CYB5R4: variants seen among roughly 807,000 people sequenced by gnomAD.
CYB5R4 encodes the protein N-terminal cytochrome b5 and cytochrome b5 oxidoreductase domain-containing protein.
CYB5R4 carries 55 observed loss-of-function variants against 70.2 expected under a neutral mutation model. The ratio of observed to expected loss-of-function variants is 0.78; its 90% CI spans 0.63 to 0.98. The LOEUF is 0.98. Among genes scored for constraint, CYB5R4 ranks in the 50% least tolerant of loss-of-function variants. The probability of loss-of-function intolerance (pLI) is 0.00; values close to 1 mark genes in which losing one functional copy is unlikely to be tolerated. For synonymous variants in CYB5R4, 197 were observed against 199.5 expected (o/e 0.99, Z 0.11); for missense variants, 562 against 612.6 (o/e 0.92, Z 0.87).
intron 14 of CYB5R4, among the ~76,000 whole-genome samples, chr6:83,946,854 A>C (rs1230217002): frequency 6.6e-6 from 1 of 152,182 alleles, no homozygotes; most frequent in Non-Finnish European, 1.5e-5. Context: ...TCCAACTTAC[A>C]AGAGATGTGA....
intron 7 of CYB5R4, among the ~76,000 whole-genome samples, 192 bp from the exon 8 acceptor site, chr6:83,920,890 T>A (rs1476669050): frequency 6.6e-6 from 1 of 152,110 alleles, no homozygotes; most frequent in East Asian, 1.9e-4. Context: ...TATGTAGTAA[T>A]TAAAATTTGG....
At position 83,922,487 on chromosome 6, in the gene CYB5R4, C is replaced by T. The variant is rs2099466536; in HGVS notation, c.691+17C>T. ...ATTTTTCTGGTAAGCTACCAAAAAC[C>T]AAAAATTATGTATGTACGTACATAT... On this transcript the variant is annotated intron_variant, in intron 9 of 15. Coordinates refer to ENST00000369681, the MANE Select transcript of CYB5R4 (RefSeq NM_016230.4). 2 of 1,605,142 alleles carry T rather than the reference C, an allele frequency of 1.2e-6. No homozygotes were observed. The highest frequency in any genetic ancestry group is 1.7e-5 in the Admixed American group (1 of 59,792).
intron 2 of CYB5R4, among the ~76,000 whole-genome samples, chr6:83,875,822 T>C (rs1247169690): frequency 6.6e-6 from 1 of 152,220 alleles, no homozygotes; most frequent in Non-Finnish European, 1.5e-5. Flanking sequence ...GCCTTTGTTC[T>C]CCAGATATCA....
In CYB5R4 at chr6:83,919,414, CAG is replaced by C; in HGVS notation, c.526_527del (p.Asp176LeufsTer10). On this transcript the variant is annotated frameshift_variant, in exon 7 of 16. Coordinates refer to ENST00000369681, the MANE Select transcript of CYB5R4 (RefSeq NM_016230.4). LOFTEE classifies it high-confidence loss of function. ...TTTTACAGCTATGATTGGTTCCAAA[CAG>C]ACTCTTTAGTCACCATTGCCATATA... 6.6e-7 allele frequency: 1 copy of C among 1,520,806 alleles called. No homozygotes were observed. Among genetic ancestry groups the C allele is most frequent in the Middle Eastern group, 1.7e-4 (1 of 5,868 alleles). 94.2% of individuals were successfully genotyped at this position (1,520,806 alleles called of 1,614,324 possible).
intron 9 of CYB5R4, among the ~76,000 whole-genome samples, chr6:83,923,335 G>A (rs1355510194): frequency 6.6e-6 from 1 of 151,978 alleles, no homozygotes; most frequent in African/African-American, 2.4e-5. Context: ...CCTCTTTTCC[G>A]TATATCATTA....
intron 1 of CYB5R4, among the ~76,000 whole-genome samples, chr6:83,860,565 C>A (rs1482175552): frequency 6.6e-6 from 1 of 152,114 alleles, no homozygotes; most frequent in Non-Finnish European, 1.5e-5. Flanking sequence ...AAATTGTGTT[C>A]TTTGTTCTTT....
chr6:83,937,645 A>G (rs1309285715), intron 12 of CYB5R4, among the ~76,000 whole-genome samples: 2 of 151,972 alleles, frequency 1.3e-5, no homozygotes, highest in African/African-American at 4.8e-5. Flanking sequence ...TCAGCCTCCC[A>G]AGTAGCTGGG....
intron 14 of CYB5R4, among the ~76,000 whole-genome samples, chr6:83,952,127 A>G (rs924721984): frequency 1.9e-4 from 29 of 152,158 alleles, no homozygotes; most frequent in Non-Finnish European, 3.1e-4. Flanking sequence ...GAGAGGGGAA[A>G]TAAAGGGATT....
intron 10 of CYB5R4, among the ~76,000 whole-genome samples, chr6:83,933,871 A>G (rs2099468524): frequency 6.6e-6 from 1 of 152,222 alleles, no homozygotes; most frequent in African/African-American, 2.4e-5. Context: ...CACTTGAATT[A>G]ATTTTCAGAT....
intron 1 of CYB5R4, among the ~76,000 whole-genome samples, chr6:83,861,579 G>A (rs978506421): frequency 3.3e-5 from 5 of 152,192 alleles, no homozygotes; most frequent in African/African-American, 1.2e-4. Context: ...TCCTGCTACA[G>A]CCCAAAGATA....
Position 83,954,678 on chromosome 6 carries a change from A to T in CYB5R4, c.1347-620A>T, listed in dbSNP as rs550875676. Among the ~76,000 whole-genome samples, 4 of 152,206 alleles carry T rather than the reference A, an allele frequency of 2.6e-5. No individual in the cohort carries two copies. The South Asian group carries it at 8.3e-4, about 32-fold the overall frequency. ...TTTTTTCAATACTAGTAGATTATTA[A>T]TAGAAATGTAGCGTTCTCTGAGATC... On this transcript the variant is annotated intron_variant, in intron 14 of 15. Transcript: ENST00000369681.
chr6:83,958,027 C>G (rs2099472693), intron 15 of CYB5R4, among the ~76,000 whole-genome samples: 1 of 152,120 alleles, frequency 6.6e-6, no homozygotes, highest in Admixed American at 6.5e-5. Context: ...TCCTAGAGTG[C>G]TGCAAAGTTA....
At chr6:83,926,965 C>T (rs2099467387) in intron 10 of CYB5R4, among the ~76,000 whole-genome samples, 1 of 152,186 alleles carries the variant, frequency 6.6e-6, no homozygotes, top group South Asian at 2.1e-4. Context: ...GCTTTCTACA[C>T]TTCTGGCTTA....
At chr6:83,957,210 T>G (rs1379320465) in intron 15 of CYB5R4, among the ~76,000 whole-genome samples, 1 of 152,122 alleles carries the variant, frequency 6.6e-6, no homozygotes, top group African/African-American at 2.4e-5. Context: ...TAACATAGTT[T>G]GAATATAAAA....
chr6:83,924,886 C>T (rs1227597459), intron 10 of CYB5R4, among the ~76,000 whole-genome samples: 1 of 151,976 alleles, frequency 6.6e-6, no homozygotes, highest in Non-Finnish European at 1.5e-5. Context: ...CTTTCAGGTC[C>T]CCTTTTGTGA....
intron 2 of CYB5R4, among the ~76,000 whole-genome samples, chr6:83,870,011 T>G (rs949494225): frequency 6.6e-6 from 1 of 152,170 alleles, no homozygotes; most frequent in Non-Finnish European, 1.5e-5. Flanking sequence ...CAGACCTGAG[T>G]TATAGTGAGT....
Position 83,909,015 on chromosome 6 carries a change from C to A in CYB5R4, c.337C>A (p.Arg113Ser). ...CATTTGTTTTACATACCAGGTTCAT[C>A]GTTGGGTCAATTATGAATCCATGCT... The part of the protein sequence containing the change: ...DGTELFDQVH[R>S]WVNYESMLKE... The change falls in exon 4 of 16, where the codon CGT becomes AGT. Residue 113 changes from arginine (R) to serine (S), a missense_variant. Transcript: ENST00000369681. The A allele has an allele frequency of 6.2e-7, 1 of 1,613,078 alleles. No homozygotes were observed. The highest frequency in any genetic ancestry group is 1.1e-5 in the South Asian group (1 of 90,966).
intron 12 of CYB5R4, among the ~76,000 whole-genome samples, chr6:83,938,310 G>A (rs984381356): frequency 1.3e-5 from 2 of 152,156 alleles, no homozygotes; most frequent in East Asian, 1.9e-4. Flanking sequence ...AGGGTGGAGA[G>A]TTGTCCTAGA....
intron 3 of CYB5R4, among the ~76,000 whole-genome samples, chr6:83,901,468 G>A (rs1358764311): frequency 6.6e-6 from 1 of 152,124 alleles, no homozygotes; most frequent in Non-Finnish European, 1.5e-5. Context: ...GAGTATCTTA[G>A]TGGACTTCTG....
Sources: allele counts gnomAD v4.1 joint callset (sites outside exome capture counted in the v4.1 genomes callset), GRCh38; gene constraint gnomAD v4.1.1; transcripts MANE v1.5; gene names NCBI Gene and HGNC (gene_info 2026-07-23, HGNC 2026-07-21).